FILIP1: variants seen among roughly 807,000 people sequenced by gnomAD.
FILIP1 encodes the protein filamin A interacting protein 1.
Under a neutral mutation model 102.1 loss-of-function variants are expected in FILIP1, and 61 were observed. The ratio of observed to expected loss-of-function variants is 0.60; its 90% confidence interval spans 0.49 to 0.74. The LOEUF (loss-of-function observed/expected upper bound fraction) is 0.74, where lower values mean the gene tolerates loss of function less well. Ranked by LOEUF, FILIP1 falls within the 30% of genes least tolerant of loss-of-function variation. The probability of loss-of-function intolerance (pLI) is 0.00; values close to 1 mark genes in which losing one functional copy is unlikely to be tolerated. For missense variants in FILIP1, 1,314 were observed against 1,441.2 expected (o/e 0.91, Z 1.43); for synonymous variants, 491 against 526.9 (o/e 0.93, Z 0.93).
At chr6:75,399,873 A>C (rs1776594348) in intron 2 of FILIP1, among the ~76,000 whole-genome samples, 1 of 152,220 alleles carries the variant, frequency 6.6e-6, no homozygotes, top group African/African-American at 2.4e-5. Context: ...CATACATCAA[A>C]GTAACCTGAA....
rs1314532660 is a variant in FILIP1 at position 75,441,615 on chromosome 6, C to G, written c.-6-26637G>C. 3.8e-4 allele frequency among the ~76,000 whole-genome samples: 56 copies of G among 147,658 alleles called. 1 individual carries two copies. The highest frequency in any genetic ancestry group is 1.4e-3 in the African/African-American group (55 of 38,396). On this transcript the variant is annotated intron_variant, in intron 1 of 5. Coordinates refer to ENST00000237172, the MANE Select transcript of FILIP1 (RefSeq NM_015687.5). The stretch of plus-strand genomic sequence containing the variant: ...GCGGCTGGCCGGGCAGGGGGCTGAC[C>G]CCCCCGACCTCCCTCCCGGACGGGG...
intron 1 of FILIP1, among the ~76,000 whole-genome samples, chr6:75,427,584 A>G (rs1172640680): frequency 1.3e-5 from 2 of 152,162 alleles, no homozygotes; most frequent in African/African-American, 4.8e-5. Flanking sequence ...ATTAAGAGGG[A>G]ATGGTACAGG....
intron 4 of FILIP1, among the ~76,000 whole-genome samples, chr6:75,328,526 C>T (rs1166649113): frequency 1.3e-5 from 2 of 152,182 alleles, no homozygotes; most frequent in Non-Finnish European, 2.9e-5. Context: ...TGGAGTCTCA[C>T]TCTGTCACCC....
At chr6:75,387,561 T>C (rs1260474058) in intron 2 of FILIP1, among the ~76,000 whole-genome samples, 2 of 152,200 alleles carry the variant, frequency 1.3e-5, no homozygotes, top group East Asian at 1.9e-4. Flanking sequence ...TGTTGTTTCC[T>C]GACTTTTTAA....
Position 75,299,088 on chromosome 6 carries a change from T to C in FILIP1, c.3494-3138A>G, listed in dbSNP as rs1277443302. ...TATTTGTGTAAAAAAAAAAACAGAC[T>C]TGAATTCCCAAGTCTGTTCCTGTCT... On this transcript the variant is annotated intron_variant, in intron 6 of 6. Coordinates refer to the FILIP1 transcript ENST00000393004. 2.0e-5 allele frequency among the ~76,000 whole-genome samples: 3 copies of C among 152,102 alleles called. No homozygotes were observed. In the East Asian group the frequency reaches 5.8e-4, roughly 29 times the overall value.
intron 4 of FILIP1, among the ~76,000 whole-genome samples, chr6:75,334,453 T>C (rs992875386): frequency 6.6e-6 from 1 of 152,180 alleles, no homozygotes; most frequent in Non-Finnish European, 1.5e-5. Flanking sequence ...AACTGAAAGG[T>C]TGTCGAGTTC....
chr6:75,490,984 A>G (rs1353159250), intron 1 of FILIP1, among the ~76,000 whole-genome samples: 1 of 152,146 alleles, frequency 6.6e-6, no homozygotes, highest in African/African-American at 2.4e-5. Context: ...AAGCCAAGTG[A>G]TGCTTAGGAT....
intron 1 of FILIP1, among the ~76,000 whole-genome samples, chr6:75,435,453 T>A (rs1195575360): frequency 1.3e-5 from 2 of 152,234 alleles, no homozygotes; most frequent in East Asian, 3.8e-4. Context: ...TTAAATCATG[T>A]TTGATTCGGC....
chr6:75,460,264 A>C (rs944513614), intron 1 of FILIP1, among the ~76,000 whole-genome samples: 64 of 152,198 alleles, frequency 4.2e-4, no homozygotes, highest in African/African-American at 1.5e-3. Context: ...AGTCTCAGCA[A>C]ATATATGAAG....
At chr6:75,309,850 G>A (rs1773119099) in intron 5 of FILIP1, among the ~76,000 whole-genome samples, 1 of 152,146 alleles carries the variant, frequency 6.6e-6, no homozygotes, top group Non-Finnish European at 1.5e-5. Context: ...CACTACCATA[G>A]TTCAAGCCTG....
intron 4 of FILIP1, among the ~76,000 whole-genome samples, chr6:75,318,325 T>C (rs1193407144): frequency 2.0e-5 from 3 of 151,264 alleles, no homozygotes; most frequent in Non-Finnish European, 2.9e-5. Flanking sequence ...AGCCTCAACG[T>C]TTTGTGCTCA....
chr6:75,376,071 T>A (rs1409427093), intron 2 of FILIP1, among the ~76,000 whole-genome samples: 2 of 152,194 alleles, frequency 1.3e-5, no homozygotes, highest in Admixed American at 1.3e-4. Flanking sequence ...GTACATAATG[T>A]CTTTTTGAAA....
intron 4 of FILIP1, 122 bp downstream of exon 4, chr6:75,353,417 A>G (rs6913979): frequency 0.68 from 635,961 of 931,556 alleles, 218,903 homozygotes; most frequent in Middle Eastern, 0.72. Flanking sequence ...TCAAAAATTG[A>G]CATTAGACCC....
intron 2 of FILIP1, among the ~76,000 whole-genome samples, chr6:75,365,074 A>G (rs570967824): frequency 6.6e-6 from 1 of 152,220 alleles, no homozygotes; most frequent in Admixed American, 6.5e-5. Flanking sequence ...TTGATAACAA[A>G]CTACTGTCTC....
At chr6:75,434,284 T>C (rs1263185279) in intron 1 of FILIP1, among the ~76,000 whole-genome samples, 2 of 152,328 alleles carry the variant, frequency 1.3e-5, no homozygotes, top group African/African-American at 2.4e-5. Flanking sequence ...TTAGGCAGTA[T>C]GGCCATTTTC....
intron 1 of FILIP1, among the ~76,000 whole-genome samples, chr6:75,425,974 A>C (rs1476294112): frequency 6.6e-6 from 1 of 152,164 alleles, no homozygotes; most frequent in Non-Finnish European, 1.5e-5. Flanking sequence ...CATTTTCTTT[A>C]AGAGGCAGAC....
At chr6:75,393,734 TTC>T (rs1262572835) in intron 2 of FILIP1, among the ~76,000 whole-genome samples, 1 of 152,208 alleles carries the variant, frequency 6.6e-6, no homozygotes, top group Non-Finnish European at 1.5e-5. Context: ...TTTATATCTA[TTC>T]TACTCTGTGA....
At chr6:75,408,845 T>A (rs1776959918) in intron 2 of FILIP1, among the ~76,000 whole-genome samples, 1 of 152,160 alleles carries the variant, frequency 6.6e-6, no homozygotes, top group South Asian at 2.1e-4. Flanking sequence ...CCCCAAAGCC[T>A]GCACTGTTAC....
intron 1 of FILIP1, among the ~76,000 whole-genome samples, chr6:75,462,058 C>T (rs1779038422): frequency 6.6e-6 from 1 of 152,194 alleles, no homozygotes; most frequent in South Asian, 2.1e-4. Flanking sequence ...TCTCTTCCCA[C>T]ACCCTTCAGT....
Sources: gnomAD v4.1 joint callset for allele counts (sites outside exome capture counted in the v4.1 genomes callset) on GRCh38, gnomAD v4.1.1 for gene constraint, MANE v1.5 for transcripts, NCBI Gene and HGNC (gene_info 2026-07-23, HGNC 2026-07-21) for gene names.